Variants in DOCK1 observed in about 807,000 individuals in gnomAD.
DOCK1 encodes dedicator of cytokinesis 1.
Under a neutral mutation model 262.7 loss-of-function variants are expected in DOCK1, and 138 were observed. That is an observed-to-expected ratio of 0.53 (90% CI 0.46 to 0.61). DOCK1 has a LOEUF of 0.61. Ranked by LOEUF, DOCK1 falls within the 20% of genes least tolerant of loss-of-function variation. The probability of loss-of-function intolerance (pLI) is 0.00; values close to 1 mark genes in which losing one functional copy is unlikely to be tolerated. For missense variants in DOCK1, 1,908 were observed against 2,370.7 expected, an observed-to-expected ratio of 0.80 and a Z score of 4.05; for synonymous variants, 866 against 867.4, an observed-to-expected ratio of 1.00 and a Z score of 0.03.
chr10:127,397,080 A>T (rs796278114), intron 38 of DOCK1, among the ~76,000 whole-genome samples: 9 of 97,164 alleles, frequency 9.3e-5, no homozygotes, highest in Admixed American at 2.0e-4. Context: ...ACGGGCAGCG[A>T]CTCCTATGTG....
chr10:127,259,755 T>C (rs2059953871), intron 29 of DOCK1, among the ~76,000 whole-genome samples: 1 of 151,650 alleles, frequency 6.6e-6, no homozygotes, highest in Non-Finnish European at 1.5e-5. Context: ...GTCTCCCGTT[T>C]AGGAGGGAAT....
At chr10:127,058,439 G>A (rs1357672394) in intron 22 of DOCK1, among the ~76,000 whole-genome samples, 1 of 151,776 alleles carries the variant, frequency 6.6e-6, no homozygotes, top group East Asian at 1.9e-4. Flanking sequence ...ACAACATATA[G>A]TTGTATTTTT....
chr10:127,050,123 G>A (rs1311677554), intron 21 of DOCK1, among the ~76,000 whole-genome samples: 1 of 151,618 alleles, frequency 6.6e-6, no homozygotes, highest in Non-Finnish European at 1.5e-5. Flanking sequence ...ATTTTTACTA[G>A]TCAGATCATG....
chr10:127,125,392 G>C (rs898323697), intron 25 of DOCK1, 82 bp from the exon 26 acceptor site: 2 of 1,586,454 alleles, frequency 1.3e-6, no homozygotes, highest in Non-Finnish European at 1.7e-6. Flanking sequence ...CAAACTGCTT[G>C]AAAGGGCAGA....
Position 127,405,789 on chromosome 10 carries a change from G to A in DOCK1, c.4122+1360G>A, listed in dbSNP as rs191868656. On this transcript the variant is annotated intron_variant, in intron 40 of 51. Coordinates refer to ENST00000623213, the MANE Select transcript of DOCK1 (RefSeq NM_001290223.2). Reference sequence around the variant, plus strand: ...CAGTGTCCTGCCTGGTGACGGAGGCGTCTGGCCCTGTCCTGGTCACTCCTG... The same window carrying A: ...CAGTGTCCTGCCTGGTGACGGAGGCATCTGGCCCTGTCCTGGTCACTCCTG... Among the ~76,000 whole-genome samples the A allele has an allele frequency of 4.2e-3, 622 of 147,466 alleles. 3 individuals carry two copies. Among genetic ancestry groups the A allele is most frequent in the Middle Eastern group, 0.025 (7 of 284 alleles).
intron 47 of DOCK1, among the ~76,000 whole-genome samples, chr10:127,428,817 G>A (rs1175567417): frequency 6.9e-6 from 1 of 143,976 alleles, no homozygotes; most frequent in Non-Finnish European, 1.5e-5. Flanking sequence ...GGTGCCGTGT[G>A]GATTGGGGTA....
chr10:126,988,436 C>T (rs1486966997), intron 5 of DOCK1: 2 of 152,180 alleles, frequency 1.3e-5, no homozygotes, highest in African/African-American at 4.8e-5. Flanking sequence ...TTTGATTATA[C>T]AGTGGTTTCC....
intron 27 of DOCK1, among the ~76,000 whole-genome samples, chr10:127,144,846 C>T (rs1439269772): frequency 6.6e-6 from 1 of 152,138 alleles, no homozygotes; most frequent in Non-Finnish European, 1.5e-5. Flanking sequence ...CACTGTAGGG[C>T]TTCAAATACC....
At chr10:127,251,882 T>C (rs1463737749) in intron 28 of DOCK1, among the ~76,000 whole-genome samples, 1 of 150,946 alleles carries the variant, frequency 6.6e-6, no homozygotes, top group Non-Finnish European at 1.5e-5. Context: ...TTTATAGTCC[T>C]TTGGGTATAT....
At chr10:126,934,156 A>C (rs2034385979) in intron 1 of DOCK1, among the ~76,000 whole-genome samples, 1 of 151,970 alleles carries the variant, frequency 6.6e-6, no homozygotes, top group African/African-American at 2.4e-5. Flanking sequence ...TTTTGAGACT[A>C]AGTTTCACTC....
chr10:126,981,118 T>A, intron 3 of DOCK1, among the ~76,000 whole-genome samples: 1 of 152,028 alleles, frequency 6.6e-6, no homozygotes, highest in Non-Finnish European at 1.5e-5. Flanking sequence ...CGGCTAATTT[T>A]TGTATTTTTA....
In DOCK1 at chr10:127,402,964, A is replaced by G. The variant is rs1590909876; in HGVS notation, c.3928-91A>G. The G allele has an allele frequency of 1.1e-5, 13 of 1,140,998 alleles. No homozygotes were observed. The South Asian group carries it at 1.4e-4, about 12-fold the overall frequency. 70.7% of individuals were successfully genotyped at this position (1,140,998 alleles called of 1,614,324 possible). A position where few individuals can be genotyped will look rare whatever the true frequency, so the allele number is the denominator to read the frequency against. On this transcript the variant is annotated intron_variant, in intron 38 of 51. Coordinates refer to ENST00000623213, the MANE Select transcript of DOCK1 (RefSeq NM_001290223.2). ...ATGTTTCATTCAAATGTACTTCTAC[A>G]CTGTTTTATTTTGAATGATTGCATT...
intron 27 of DOCK1, among the ~76,000 whole-genome samples, chr10:127,213,388 A>C (rs2058066458): frequency 6.6e-6 from 1 of 152,174 alleles, no homozygotes; most frequent in African/African-American, 2.4e-5. Flanking sequence ...GAAAGGTCTG[A>C]TTTATTCTTC....
intron 47 of DOCK1, among the ~76,000 whole-genome samples, chr10:127,429,231 C>T (rs1453406042): frequency 2.6e-5 from 4 of 152,088 alleles, no homozygotes; most frequent in African/African-American, 7.2e-5. Context: ...GAGGCTTTTA[C>T]AGAATGAAGG....
At chr10:127,278,933 T>A (rs1271059083) in intron 29 of DOCK1, among the ~76,000 whole-genome samples, 1 of 152,186 alleles carries the variant, frequency 6.6e-6, no homozygotes, top group Non-Finnish European at 1.5e-5. Context: ...TCACCAGAAA[T>A]GCCAGCATGA....
chr10:126,984,982 T>G (rs1271177264), intron 4 of DOCK1, among the ~76,000 whole-genome samples: 1 of 145,784 alleles, frequency 6.9e-6, no homozygotes, highest in Non-Finnish European at 1.5e-5. Flanking sequence ...TTCTTTTTTT[T>G]TTTTTTTTTT....
chr10:127,188,323 A>G (rs1437663872), intron 27 of DOCK1, among the ~76,000 whole-genome samples: 1 of 152,214 alleles, frequency 6.6e-6, no homozygotes, highest in Non-Finnish European at 1.5e-5. Flanking sequence ...TGGGATGGCA[A>G]ATTCCAAGTA....
intron 29 of DOCK1, among the ~76,000 whole-genome samples, chr10:127,278,110 A>C (rs1249230427): frequency 6.6e-6 from 1 of 152,198 alleles, no homozygotes; most frequent in Admixed American, 6.5e-5. Flanking sequence ...TATTCAGTGG[A>C]ACCCCATGCT....
intron 25 of DOCK1, among the ~76,000 whole-genome samples, chr10:127,114,946 G>A (rs2049090183): frequency 6.6e-6 from 1 of 151,982 alleles, no homozygotes; most frequent in Non-Finnish European, 1.5e-5. Context: ...CAGTAGAGAC[G>A]CGGTTTCACC....
Sources: allele counts gnomAD v4.1 joint callset (sites outside exome capture counted in the v4.1 genomes callset), GRCh38; gene constraint gnomAD v4.1.1; transcripts MANE v1.5; gene names NCBI Gene and HGNC (gene_info 2026-07-23, HGNC 2026-07-21).